The following GALNT13 variants were observed in gnomAD, a reference collection of about 807,000 sequenced individuals.
The protein encoded by GALNT13 is polypeptide N-acetylgalactosaminyltransferase 13.
Under a neutral mutation model 64.2 loss-of-function variants are expected in GALNT13, and 28 were observed. The observed-to-expected ratio is 0.44, with a 90% CI of 0.32 to 0.60. The LOEUF (loss-of-function observed/expected upper bound fraction) is 0.60, where lower values mean the gene tolerates loss of function less well. Ranked by LOEUF, GALNT13 falls within the 20% of genes least tolerant of loss-of-function variation. GALNT13 has a pLI of 0.05. For missense variants in GALNT13, 577 were observed against 669.8 expected (o/e 0.86, Z 1.53); for synonymous variants, 214 against 224.6 (o/e 0.95, Z 0.42).
the GALNT13 span, among the ~76,000 whole-genome samples, chr2:153,516,451 T>C: frequency 9.2e-5 from 14 of 152,202 alleles, no homozygotes; most frequent in African/African-American, 2.9e-4. Context: ...TAGATTTTGA[T>C]AGGAATAAAG....
At chr2:154,386,763 C>T (rs1698533165) in intron 9 of GALNT13, among the ~76,000 whole-genome samples, 1 of 152,016 alleles carries the variant, frequency 6.6e-6, no homozygotes, top group African/African-American at 2.4e-5. Context: ...TTTTAAAAGA[C>T]TACTGCAAAT....
the GALNT13 span, among the ~76,000 whole-genome samples, chr2:153,829,159 C>T: frequency 3.3e-5 from 5 of 152,116 alleles, no homozygotes; most frequent in African/African-American, 1.2e-4. Context: ...TCTGAGCCCT[C>T]TAAACTGTTC....
intron 3 of GALNT13, among the ~76,000 whole-genome samples, chr2:153,981,761 TG>T (rs1424560836): frequency 4.6e-5 from 7 of 152,228 alleles, no homozygotes; most frequent in Admixed American, 1.3e-4. Flanking sequence ...AGCAATTCAT[TG>T]AGCCAGGTTA....
At chr2:153,337,077 C>T in the GALNT13 span, among the ~76,000 whole-genome samples, 1 of 152,148 alleles carries the variant, frequency 6.6e-6, no homozygotes, top group African/African-American at 2.4e-5. Context: ...GCAATTAAAC[C>T]TCTTTTTCTT....
At chr2:153,858,689 G>A in the GALNT13 span, among the ~76,000 whole-genome samples, 2 of 152,020 alleles carry the variant, frequency 1.3e-5, no homozygotes, top group African/African-American at 2.4e-5. Flanking sequence ...TGGTATGCCT[G>A]TATAGAAAAA....
At chr2:153,637,901 A>T in the GALNT13 span, among the ~76,000 whole-genome samples, 1 of 152,176 alleles carries the variant, frequency 6.6e-6, no homozygotes, top group African/African-American at 2.4e-5. Context: ...TTATTTCTGT[A>T]GTCAATAAAA....
At chr2:153,412,253 GA>G in the GALNT13 span, among the ~76,000 whole-genome samples, 1 of 151,694 alleles carries the variant, frequency 6.6e-6, no homozygotes, top group Admixed American at 6.6e-5. Context: ...GCCTGGGTTT[GA>G]AAAAAAAGCT....
At chr2:153,947,669 G>T (rs934295643) in intron 3 of GALNT13, among the ~76,000 whole-genome samples, 1 of 151,980 alleles carries the variant, frequency 6.6e-6, no homozygotes, top group Non-Finnish European at 1.5e-5. Flanking sequence ...TTGCTGTGCA[G>T]AAGCTTTTTT....
intron 4 of GALNT13, among the ~76,000 whole-genome samples, chr2:154,205,035 A>C (rs1013996502): frequency 6.6e-6 from 1 of 152,158 alleles, no homozygotes; most frequent in African/African-American, 2.4e-5. Context: ...GGATGGGTGG[A>C]TGGGTAGATG....
chr2:154,298,403 A>ATG (rs1693057120), intron 8 of GALNT13, among the ~76,000 whole-genome samples: 1 of 135,012 alleles, frequency 7.4e-6, no homozygotes, highest in African/African-American at 2.7e-5. Context: ...ATATAAATAT[A>ATG]TAATTTATAT....
At chr2:153,718,755 T>C in the GALNT13 span, among the ~76,000 whole-genome samples, 1 of 152,218 alleles carries the variant, frequency 6.6e-6, no homozygotes, top group Non-Finnish European at 1.5e-5. Context: ...ATCTATGTGT[T>C]GTTAAGAACA....
chr2:153,998,254 C>G (rs1695657854), intron 3 of GALNT13, among the ~76,000 whole-genome samples: 1 of 152,000 alleles, frequency 6.6e-6, no homozygotes, highest in Admixed American at 6.6e-5. Context: ...ATTTACAGTC[C>G]CACCAATAGT....
intron 3 of GALNT13, among the ~76,000 whole-genome samples, chr2:154,095,531 C>T (rs2105449495): frequency 6.6e-6 from 1 of 152,042 alleles, no homozygotes; most frequent in Non-Finnish European, 1.5e-5. Context: ...AACGTTCACA[C>T]ATCACCCCCA....
the GALNT13 span, among the ~76,000 whole-genome samples, chr2:153,356,789 C>CTTTTTTTTTTTTTTTTTTTTTTT: frequency 3.8e-5 from 4 of 104,904 alleles, 2 homozygotes; most frequent in Non-Finnish European, 3.7e-5. Flanking sequence ...TCTTCTTCCT[C>CTTTTTTTTTTTTTTTTTTTTTTT]TTTTTTTTTT....
chr2:153,300,575 A>G, the GALNT13 span, among the ~76,000 whole-genome samples: 2 of 152,336 alleles, frequency 1.3e-5, no homozygotes, highest in African/African-American at 2.4e-5. Context: ...TTATTTGCTG[A>G]CTACATTTCC....
chr2:153,476,352 A>G, the GALNT13 span, among the ~76,000 whole-genome samples: 6 of 152,216 alleles, frequency 3.9e-5, no homozygotes, highest in Non-Finnish European at 7.3e-5. Flanking sequence ...TATAGCTGCC[A>G]TTGTGAAGTC....
chr2:153,619,668 A>G, the GALNT13 span, among the ~76,000 whole-genome samples: 1 of 152,024 alleles, frequency 6.6e-6, no homozygotes. Context: ...TTGTCTGGGA[A>G]TGTCTTTATT....
chr2:154,304,632 A>T (rs1693632289), intron 9 of GALNT13, among the ~76,000 whole-genome samples: 1 of 152,218 alleles, frequency 6.6e-6, no homozygotes, highest in African/African-American at 2.4e-5. Context: ...CTCAAATTAT[A>T]ATGAAATGAA....
At chr2:153,414,683 G>T in the GALNT13 span, among the ~76,000 whole-genome samples, 20 of 151,880 alleles carry the variant, frequency 1.3e-4, no homozygotes, top group Admixed American at 1.2e-3. Flanking sequence ...ACAAGTAAGA[G>T]ATTAAAATCT....
Sources: allele counts gnomAD v4.1 joint callset (sites outside exome capture counted in the v4.1 genomes callset), GRCh38; gene constraint gnomAD v4.1.1; transcripts MANE v1.5; gene names NCBI Gene and HGNC (gene_info 2026-07-23, HGNC 2026-07-21).